ESR1: variants seen among roughly 807,000 people sequenced by gnomAD.
The protein encoded by ESR1 is estrogen receptor.
In ESR1, 12 loss-of-function variants were observed where a neutral mutation model predicts 52.7. That is an observed-to-expected ratio of 0.23 (90% CI 0.15 to 0.37). ESR1 has a LOEUF of 0.37. Among genes scored for constraint, ESR1 ranks in the 10% least tolerant of loss-of-function variants. The pLI, the probability that ESR1 is intolerant of heterozygous loss-of-function variation, is 1.00. For synonymous variants in ESR1, 305 were observed against 316.8 expected (o/e 0.96, Z 0.39); for missense variants, 584 against 779.7 (o/e 0.75, Z 2.99).
chr6:151,773,575 C>A (rs79845980), intron 2 of ESR1, among the ~76,000 whole-genome samples: 12 of 152,132 alleles, frequency 7.9e-5, no homozygotes, highest in Non-Finnish European at 1.8e-4. Flanking sequence ...GGCAGGCAAC[C>A]GGAGACTTTA....
At chr6:151,737,245 T>A (rs1300033821) in intron 2 of ESR1, among the ~76,000 whole-genome samples, 1 of 152,214 alleles carries the variant, frequency 6.6e-6, no homozygotes, top group East Asian at 1.9e-4. Flanking sequence ...ATGTTATTTT[T>A]AGACGTATGT....
intron 2 of ESR1, among the ~76,000 whole-genome samples, chr6:151,788,222 T>G (rs895830416): frequency 1.3e-5 from 2 of 152,004 alleles, no homozygotes; most frequent in Non-Finnish European, 2.9e-5. Context: ...CTAACCAAGG[T>G]CTACTATCCA....
chr6:151,953,817 A>G (rs1180737332), intron 4 of ESR1, among the ~76,000 whole-genome samples: 2 of 152,186 alleles, frequency 1.3e-5, no homozygotes, highest in African/African-American at 4.8e-5. Context: ...TCTGTAACCG[A>G]TAACTTTCTA....
chr6:152,090,827 C>T (rs1388122153), intron 6 of ESR1, among the ~76,000 whole-genome samples: 1 of 152,186 alleles, frequency 6.6e-6, no homozygotes, highest in African/African-American at 2.4e-5. Flanking sequence ...CGTGGCTTCA[C>T]TCCCCTTTCG....
At chr6:151,660,690 A>G (rs1011662894) in intron 1 of ESR1, among the ~76,000 whole-genome samples, 7 of 152,182 alleles carry the variant, frequency 4.6e-5, no homozygotes, top group Non-Finnish European at 7.3e-5. Context: ...GTTATTTTTT[A>G]AAGCATACGT....
chr6:152,075,576 T>C (rs2048677158), intron 6 of ESR1, among the ~76,000 whole-genome samples: 1 of 152,256 alleles, frequency 6.6e-6, no homozygotes, highest in Admixed American at 6.5e-5. Context: ...ACACTAGTTA[T>C]CTTTTTAAAA....
At chr6:152,016,711 A>G (rs1206366790) in intron 5 of ESR1, among the ~76,000 whole-genome samples, 2 of 152,216 alleles carry the variant, frequency 1.3e-5, no homozygotes, top group Non-Finnish European at 2.9e-5. Context: ...ATCACATTGT[A>G]CATAGTAAAC....
At chr6:151,674,384 G>T (rs1778181813) in intron 1 of ESR1, among the ~76,000 whole-genome samples, 1 of 152,316 alleles carries the variant, frequency 6.6e-6, no homozygotes, top group South Asian at 2.1e-4. Context: ...TGGTTGCATA[G>T]TATTCCATGG....
intron 3 of ESR1, among the ~76,000 whole-genome samples, chr6:151,895,137 T>G (rs1309600775): frequency 6.6e-6 from 1 of 150,772 alleles, no homozygotes; most frequent in Non-Finnish European, 1.5e-5. Context: ...TTTTTGGTTT[T>G]TTTTTTTTTT....
At chr6:151,777,128 T>C (rs1326932795) in intron 2 of ESR1, among the ~76,000 whole-genome samples, 1 of 151,056 alleles carries the variant, frequency 6.6e-6, no homozygotes, top group Non-Finnish European at 1.5e-5. Context: ...CTTTTCTTTT[T>C]TTTTTTGAGA....
At chr6:151,904,210 C>T (rs1797106605) in intron 3 of ESR1, among the ~76,000 whole-genome samples, 1 of 152,138 alleles carries the variant, frequency 6.6e-6, no homozygotes, top group Admixed American at 6.5e-5. Context: ...AAGCATAAAA[C>T]CAAATATTAC....
At chr6:151,743,267 A>C (rs911239788) in intron 2 of ESR1, among the ~76,000 whole-genome samples, 1 of 152,060 alleles carries the variant, frequency 6.6e-6, no homozygotes, top group African/African-American at 2.4e-5. Flanking sequence ...CATGGGGTGG[A>C]CTTGATCGTG....
chr6:151,847,980 A>G (rs1209123176), intron 2 of ESR1, among the ~76,000 whole-genome samples: 2 of 142,032 alleles, frequency 1.4e-5, no homozygotes, highest in East Asian at 4.2e-4. Flanking sequence ...ATTACTGGGT[A>G]TATACCCAAA....
Position 152,102,740 on chromosome 6 carries a change from T to C in ESR1, c.*3774T>C, listed in dbSNP as rs558080210. On this transcript the variant is annotated 3_prime_UTR_variant, in exon 8 of 8. Coordinates refer to ENST00000206249, the MANE Select transcript of ESR1 (RefSeq NM_000125.4). ...ATTATGGCACTTCAATTTTGCACTGTCTTTTGAGATTCAAGAAAAATTTCT... is the reference window on the plus strand; with the variant it reads ...ATTATGGCACTTCAATTTTGCACTGCCTTTTGAGATTCAAGAAAAATTTCT... 372 of 219,226 alleles carry C rather than the reference T, an allele frequency of 1.7e-3. 3 individuals carry two copies. In the South Asian group the frequency reaches 0.018, roughly 11 times the overall value. 13.6% of individuals were successfully genotyped at this position (219,226 alleles called of 1,614,324 possible).
At chr6:151,786,595 G>A (rs1371138282) in intron 2 of ESR1, among the ~76,000 whole-genome samples, 2 of 151,860 alleles carry the variant, frequency 1.3e-5, no homozygotes, top group African/African-American at 2.4e-5. Context: ...TTTAGACAAG[G>A]GTAAAAACTG....
upstream of ESR1, among the ~76,000 whole-genome samples, chr6:151,806,185 A>T (rs146836284): frequency 3.0e-4 from 46 of 152,298 alleles, no homozygotes; most frequent in East Asian, 5.4e-3. Context: ...TTAACCCTTT[A>T]TTTGCTGACA....
intron 2 of ESR1, among the ~76,000 whole-genome samples, chr6:151,845,878 C>G (rs1009698662): frequency 6.6e-6 from 1 of 152,130 alleles, no homozygotes; most frequent in Non-Finnish European, 1.5e-5. Context: ...ACTAGCTTTA[C>G]TAACAAAGCC....
chr6:151,661,213 T>G (rs1159376513), intron 1 of ESR1, among the ~76,000 whole-genome samples: 2 of 152,260 alleles, frequency 1.3e-5, no homozygotes, highest in Non-Finnish European at 2.9e-5. Context: ...ACCAGAACTT[T>G]GTTGGATTTC....
At chr6:151,717,655 T>C (rs1781151505) in intron 2 of ESR1, among the ~76,000 whole-genome samples, 1 of 152,242 alleles carries the variant, frequency 6.6e-6, no homozygotes, top group African/African-American at 2.4e-5. Context: ...TAATATTGGC[T>C]GACCCCGGTG....
Sources: gnomAD v4.1 joint callset for allele counts (sites outside exome capture counted in the v4.1 genomes callset) on GRCh38, gnomAD v4.1.1 for gene constraint, MANE v1.5 for transcripts, NCBI Gene and HGNC (gene_info 2026-07-23, HGNC 2026-07-21) for gene names.